The following DMD variants were observed in gnomAD, a reference collection of about 807,000 sequenced individuals.
The protein encoded by DMD is dystrophin.
In DMD, 63 loss-of-function variants were observed where a neutral mutation model predicts 330.1. The observed-to-expected ratio is 0.19, with a 90% CI of 0.16 to 0.24. The LOEUF (loss-of-function observed/expected upper bound fraction) is 0.24. Among genes scored for constraint, DMD ranks in the 10% least tolerant of loss-of-function variants. DMD has a pLI of 1.00. For synonymous variants in DMD, 1,223 were observed against 959.8 expected, an observed-to-expected ratio of 1.27 and a Z score of -5.07; for missense variants, 3,344 against 2,684.1, an observed-to-expected ratio of 1.25 and a Z score of -5.43.
At chrX:32,609,608 A>C (rs2057005807) in intron 12 of DMD, among the ~76,000 whole-genome samples, 1 of 111,437 alleles carries the variant, frequency 9.0e-6, no homozygotes, top group Non-Finnish European at 1.9e-5. Flanking sequence ...CCTTCTCTGT[A>C]ACATGAACAT....
chrX:31,969,853 C>A (rs1489508476), intron 44 of DMD, among the ~76,000 whole-genome samples: 1 of 111,513 alleles, frequency 9.0e-6, no homozygotes, highest in Non-Finnish European at 1.9e-5. Flanking sequence ...GCTGTCCTGG[C>A]CATACTCTCT....
At chrX:32,569,547 A>C (rs200856931) in intron 15 of DMD, among the ~76,000 whole-genome samples, 2 of 111,761 alleles carry the variant, frequency 1.8e-5, no homozygotes, top group African/African-American at 6.5e-5. Flanking sequence ...AACAATGTGC[A>C]TTCCTAACAA....
intron 33 of DMD, among the ~76,000 whole-genome samples, chrX:32,385,831 A>G (rs1603632231): frequency 9.1e-6 from 1 of 110,302 alleles, no homozygotes; most frequent in African/African-American, 3.3e-5. Context: ...GGAAATAATT[A>G]CTGTGTAATT....
intron 41 of DMD, among the ~76,000 whole-genome samples, chrX:32,312,403 T>C (rs772359401): frequency 2.7e-5 from 3 of 111,485 alleles, no homozygotes; most frequent in Non-Finnish European, 5.7e-5. Context: ...CTCTCAGCTA[T>C]CTTAAATTCA....
rs201740616 is a variant in DMD, at chrX:32,370,687, TA to T, written c.4846-5489del. On this transcript the variant is annotated intron_variant, in intron 34 of 78. Coordinates refer to ENST00000357033, the MANE Select transcript of DMD (RefSeq NM_004006.3). ...CACAGATAAATTACTCTGCTCACTTTAAAAAAAAAAGATACGTAATTTTTCA... is the reference window on the plus strand; with the variant it reads ...CACAGATAAATTACTCTGCTCACTTTAAAAAAAAAGATACGTAATTTTTCA... 3.9e-3 allele frequency among the ~76,000 whole-genome samples: 416 copies of T among 106,239 alleles called. 5 individuals carry two copies. The highest frequency in any genetic ancestry group is 0.013 in the African/African-American group (382 of 29,535). The allele number at this position is 106,239 out of a possible 115,157, so 92.3% of individuals were successfully genotyped here.
chrX:33,041,345 C>T (rs1446348861), intron 1 of DMD: 4 of 1,158,724 alleles, frequency 3.5e-6, no homozygotes, highest in Non-Finnish European at 4.6e-6. Flanking sequence ...CGTCGCCCTC[C>T]ACGGTTACCC....
chrX:31,776,204 G>A (rs755616141), intron 50 of DMD, among the ~76,000 whole-genome samples: 1 of 111,065 alleles, frequency 9.0e-6, no homozygotes, highest in Admixed American at 9.6e-5. Flanking sequence ...ATCACTGTAG[G>A]AACTAACTGC....
At chrX:32,720,182 C>A (rs2066141508) in intron 7 of DMD, among the ~76,000 whole-genome samples, 1 of 110,886 alleles carries the variant, frequency 9.0e-6, no homozygotes, top group Non-Finnish European at 1.9e-5. Context: ...TTTTTGTCTA[C>A]CACAATTCTT....
At chrX:32,876,310 A>G (rs1024507653) in intron 2 of DMD, among the ~76,000 whole-genome samples, 4 of 111,932 alleles carry the variant, frequency 3.6e-5, no homozygotes, top group African/African-American at 1.3e-4. Context: ...AAACTCTAAA[A>G]TGGTTTCTTC....
chrX:32,742,540 G>A (rs964280133), intron 7 of DMD, among the ~76,000 whole-genome samples: 6 of 111,691 alleles, frequency 5.4e-5, no homozygotes, highest in Non-Finnish European at 1.1e-4. Context: ...GGGCAAGGCC[G>A]AAGCATGAAA....
intron 2 of DMD, among the ~76,000 whole-genome samples, chrX:32,856,185 A>G (rs974482534): frequency 8.9e-6 from 1 of 112,093 alleles, no homozygotes; most frequent in Non-Finnish European, 1.9e-5. Flanking sequence ...TGTGTGGAAA[A>G]GGGAACCTTG....
At chrX:31,635,294 A>ATATTTCC (rs1486489665) in intron 54 of DMD, among the ~76,000 whole-genome samples, 4 of 112,111 alleles carry the variant, frequency 3.6e-5, no homozygotes, top group Admixed American at 9.5e-5. Context: ...CTTTAAAGAT[A>ATATTTCC]TATTTCCTAA....
intron 59 of DMD, among the ~76,000 whole-genome samples, chrX:31,462,515 T>C (rs1302424987): frequency 9.0e-6 from 1 of 110,866 alleles, no homozygotes; most frequent in African/African-American, 3.3e-5. Flanking sequence ...CACAGCGAGG[T>C]TTCTGCTCGA....
At chrX:32,887,762 A>AAAC (rs2084780271) in intron 2 of DMD, among the ~76,000 whole-genome samples, 1 of 101,332 alleles carries the variant, frequency 9.9e-6, no homozygotes, top group Admixed American at 1.1e-4. Context: ...AAAAAAAAAA[A>AAAC]AAAAAAAAAA....
chrX:31,572,891 T>G (rs993036945), intron 55 of DMD, among the ~76,000 whole-genome samples: 21 of 111,943 alleles, frequency 1.9e-4, no homozygotes, highest in African/African-American at 6.2e-4. Flanking sequence ...TATTCCTAAA[T>G]TTTTTATCTT....
intron 16 of DMD, among the ~76,000 whole-genome samples, chrX:32,554,981 GAGAA>G (rs1233919108): frequency 3.8e-5 from 4 of 106,016 alleles, no homozygotes; most frequent in South Asian, 4.5e-4. Flanking sequence ...GAGAGAGAGA[GAGAA>G]AGAAAGAGAG....
At chrX:33,139,975 TCC>T (rs3052912) in intron 1 of DMD, among the ~76,000 whole-genome samples, 8,210 of 110,587 alleles carry the variant, frequency 0.074, 343 homozygotes, top group South Asian at 0.19. Context: ...CCCAGCTTCT[TCC>T]TTTGCCGATC....
intron 5 of DMD, among the ~76,000 whole-genome samples, chrX:32,822,604 T>C (rs780733919): frequency 3.6e-5 from 4 of 110,256 alleles, no homozygotes; most frequent in East Asian, 2.8e-4. Context: ...TGTATATATA[T>C]ACATATATAA....
chrX:31,850,885 T>G (rs1282204150), intron 48 of DMD, among the ~76,000 whole-genome samples: 1 of 112,606 alleles, frequency 8.9e-6, no homozygotes, highest in African/African-American at 3.2e-5. Context: ...AAAGTAAGCC[T>G]TTAATATAAA....
Sources: gnomAD v4.1 joint callset for allele counts (sites outside exome capture counted in the v4.1 genomes callset) on GRCh38, gnomAD v4.1.1 for gene constraint, MANE v1.5 for transcripts, NCBI Gene and HGNC (gene_info 2026-07-23, HGNC 2026-07-21) for gene names.